Variants in TJAP1 observed in about 807,000 individuals in gnomAD.
The protein encoded by TJAP1 is tight junction-associated protein 1.
In TJAP1, 27 loss-of-function variants were observed where a neutral mutation model predicts 42.0. That is an observed-to-expected ratio of 0.64 (90% confidence interval 0.47 to 0.89). The LOEUF (loss-of-function observed/expected upper bound fraction) is 0.89, where lower values mean the gene tolerates loss of function less well. Ranked by LOEUF, TJAP1 falls within the 40% of genes least tolerant of loss-of-function variation. TJAP1 has a pLI of 0.00. For synonymous variants in TJAP1, 257 were observed against 288.4 expected, an observed-to-expected ratio of 0.89 and a Z score of 1.10; for missense variants, 712 against 726.9, an observed-to-expected ratio of 0.98 and a Z score of 0.24.
At chr6:43,482,707 G>A (rs983033108) in intron 2 of TJAP1, among the ~76,000 whole-genome samples, 1 of 152,242 alleles carries the variant, frequency 6.6e-6, no homozygotes, top group Admixed American at 6.5e-5. Context: ...ATTTAGGACA[G>A]TGCTGGGCCT....
rs767085594 is a variant in TJAP1, at chr6:43,502,076, A to ACACACACACACACACACTCTCT, written c.291-206_291-205insACACACACACACACACTCTCTC. Among the ~76,000 whole-genome samples the ACACACACACACACACACTCTCT allele has an allele frequency of 1.2e-4, 8 of 68,956 alleles. 1 individual carries two copies. The highest frequency in any genetic ancestry group is 6.1e-4 in the African/African-American group (8 of 13,116). 45.2% of individuals were successfully genotyped at this position (68,956 alleles called of 152,430 possible). A position where few individuals can be genotyped will look rare whatever the true frequency, so the allele number is the denominator to read the frequency against. ...CACACACACACACACACACACACAC[A>ACACACACACACACACACTCTCT]CTCTCTCTCTCTCTCTCTCTCTCTC... On this transcript the variant is annotated intron_variant, in intron 6 of 10. Transcript: ENST00000372449.
chr6:43,496,159 C>T, intron 2 of TJAP1, among the ~76,000 whole-genome samples: 1 of 152,090 alleles, frequency 6.6e-6, no homozygotes, highest in East Asian at 1.9e-4. Flanking sequence ...CTCTGAGCTG[C>T]CCCTTTACTT....
rs574964460 is a variant in TJAP1 at position 43,486,143 on chromosome 6, T to C, written c.-122+7911T>C. On this transcript the variant is annotated intron_variant, in intron 2 of 10. Coordinates refer to ENST00000372449, the Ensembl canonical transcript of TJAP1. Reference sequence around the variant, plus strand: ...CCACGCGCAGCTAACTTTTGTATTTTTAGTAGAGACGGGGTTTCGCCATTT... The same window carrying C: ...CCACGCGCAGCTAACTTTTGTATTTCTAGTAGAGACGGGGTTTCGCCATTT... Among the ~76,000 whole-genome samples the C allele has an allele frequency of 1.6e-3, 239 of 151,754 alleles. 1 individual carries two copies. The Middle Eastern group carries it at 0.017, about 11-fold the overall frequency.
rs1788947089 is a variant in TJAP1, at chr6:43,495,707, C to A, written c.-121-2174C>A. ...CTGTCTGCATTTACTGCCTGTCCCA[C>A]TGCCAGCTACCTTCTCAGGATACTC... On this transcript the variant is annotated intron_variant, in intron 2 of 10. Transcript: ENST00000372449. The surrounding 1 kb of genome is among the most constrained non-coding windows in gnomAD (Gnocchi z 4.6). Among the ~76,000 whole-genome samples the A allele has an allele frequency of 6.6e-6, 1 of 152,216 alleles. No homozygotes were observed. Among genetic ancestry groups the A allele is most frequent in the Non-Finnish European group, 1.5e-5 (1 of 68,038 alleles).
At chr6:43,484,284 C>T (rs917716582) in intron 2 of TJAP1, among the ~76,000 whole-genome samples, 1 of 151,914 alleles carries the variant, frequency 6.6e-6, no homozygotes, top group African/African-American at 2.4e-5. Flanking sequence ...CATGGTGAAG[C>T]CCTGTCTCTA....
chr6:43,487,283 T>G (rs1264483218), intron 2 of TJAP1, among the ~76,000 whole-genome samples: 4 of 152,188 alleles, frequency 2.6e-5, no homozygotes, highest in Non-Finnish European at 5.9e-5. Context: ...CCCAAAACCC[T>G]GGACTTCTAC....
At chr6:43,484,936 C>T (rs1786130828) in intron 2 of TJAP1, among the ~76,000 whole-genome samples, 1 of 152,168 alleles carries the variant, frequency 6.6e-6, no homozygotes, top group Non-Finnish European at 1.5e-5. Context: ...CCAAGTTGGC[C>T]AGGCTGGTCT....
At chr6:43,504,828 G>C in exon 11 of TJAP1, 1 of 1,614,186 alleles carries the variant, frequency 6.2e-7, no homozygotes, top group Non-Finnish European at 8.5e-7. Flanking sequence ...GCCAGCCCAG[G>C]TCCTGCTCCC....
At chr6:43,484,738 T>TG (rs1786070997) in intron 2 of TJAP1, among the ~76,000 whole-genome samples, 1 of 151,932 alleles carries the variant, frequency 6.6e-6, no homozygotes, top group African/African-American at 2.4e-5. Flanking sequence ...TTTGTTTGTT[T>TG]TTCCCAAGAC....
intron 2 of TJAP1, among the ~76,000 whole-genome samples, chr6:43,486,067 G>T (rs1445067994): frequency 6.6e-6 from 1 of 151,710 alleles, no homozygotes; most frequent in Non-Finnish European, 1.5e-5. Flanking sequence ...CGCCTCCTGG[G>T]TTCAAGCAAT....
intron 8 of TJAP1, 169 bp from the exon 9 acceptor site, chr6:43,503,232 C>T (rs772080701): frequency 8.9e-5 from 55 of 616,558 alleles, no homozygotes; most frequent in Non-Finnish European, 1.4e-4. Context: ...GTCCAGAGAG[C>T]GGGAGAGATG....
chr6:43,494,043 G>C (rs1393160625), intron 2 of TJAP1, among the ~76,000 whole-genome samples: 1 of 152,198 alleles, frequency 6.6e-6, no homozygotes, highest in Non-Finnish European at 1.5e-5. Flanking sequence ...CAGCTCTGCT[G>C]TGCGTGCCGA....
At chr6:43,502,978 A>G (rs1791318006) in intron 8 of TJAP1, 1 of 468,424 alleles carries the variant, frequency 2.1e-6, no homozygotes, top group Non-Finnish European at 3.9e-6. Flanking sequence ...TCCCTGCTCA[A>G]CAAGGTGCCC....
chr6:43,485,861 A>G (rs1196141202), intron 2 of TJAP1, among the ~76,000 whole-genome samples: 1 of 152,212 alleles, frequency 6.6e-6, no homozygotes, highest in Non-Finnish European at 1.5e-5. Flanking sequence ...ACAAAAGGTG[A>G]TAGTGTTAAC....
chr6:43,502,181 G>A, intron 6 of TJAP1, 102 bp from the exon 7 acceptor site: 1 of 1,191,378 alleles, frequency 8.4e-7, no homozygotes, highest in East Asian at 2.5e-5. Flanking sequence ...TGAAGTTCTT[G>A]AGGGAGAATG....
At chr6:43,501,167 T>C in intron 5 of TJAP1, 1 of 373,870 alleles carries the variant, frequency 2.7e-6, no homozygotes, top group Non-Finnish European at 4.9e-6. Flanking sequence ...GATTGTGCAG[T>C]GGGGAAACTG....
rs969161205 is a variant in TJAP1, at chr6:43,495,578, G to T, written c.-121-2303G>T. ...GTGGGCATTGCCTTCTGCTTCCTTAGTTGGGAGTGGTTTCCCATACCTGTA... is the reference window on the plus strand; with the variant it reads ...GTGGGCATTGCCTTCTGCTTCCTTATTTGGGAGTGGTTTCCCATACCTGTA... On this transcript the variant is annotated intron_variant, in intron 2 of 10. Transcript: ENST00000372449. The surrounding 1 kb of genome is among the most constrained non-coding windows in gnomAD (Gnocchi z 4.6). 1.3e-5 allele frequency among the ~76,000 whole-genome samples: 2 copies of T among 152,142 alleles called. No individual in the cohort carries two copies.
intron 2 of TJAP1, among the ~76,000 whole-genome samples, chr6:43,479,070 G>A: frequency 6.6e-6 from 1 of 152,200 alleles, no homozygotes. Context: ...GGCCTGAGAG[G>A]TAGTGGATTT....
intron 2 of TJAP1, among the ~76,000 whole-genome samples, chr6:43,488,455 T>C (rs1787058421): frequency 6.6e-6 from 1 of 152,046 alleles, no homozygotes; most frequent in South Asian, 2.1e-4. Flanking sequence ...TTGGCAGGAG[T>C]GTCCTTGAGT....
Sources: allele counts gnomAD v4.1 joint callset (sites outside exome capture counted in the v4.1 genomes callset), GRCh38; gene constraint gnomAD v4.1.1; non-coding constraint Gnocchi (gnomAD v3.1); transcripts MANE v1.5; gene names NCBI Gene and HGNC (gene_info 2026-07-23, HGNC 2026-07-21).